RBMS3: variants seen among roughly 807,000 people sequenced by gnomAD.
The protein encoded by RBMS3 is RNA-binding motif, single-stranded-interacting protein 3.
A neutral mutation model predicts 66.8 loss-of-function variants in RBMS3; 27 were observed. The ratio of observed to expected loss-of-function variants is 0.40; its 90% confidence interval spans 0.30 to 0.56. The LOEUF (loss-of-function observed/expected upper bound fraction) is 0.56, where lower values mean the gene tolerates loss of function less well. RBMS3 is among the 20% of genes least tolerant of loss of function. The pLI is 0.40. For synonymous variants in RBMS3, 188 were observed against 183.0 expected, an observed-to-expected ratio of 1.03 and a Z score of -0.22; for missense variants, 513 against 549.5, an observed-to-expected ratio of 0.93 and a Z score of 0.66.
At chr3:30,000,830 T>A (rs1699569980) in intron 14 of RBMS3, among the ~76,000 whole-genome samples, 1 of 151,536 alleles carries the variant, frequency 6.6e-6, no homozygotes, top group South Asian at 2.1e-4. Context: ...TAAGTGGGAG[T>A]TGAACAGTGA....
At chr3:29,574,024 G>T (rs1215536737) in intron 3 of RBMS3, among the ~76,000 whole-genome samples, 1 of 152,170 alleles carries the variant, frequency 6.6e-6, no homozygotes, top group Admixed American at 6.5e-5. Context: ...GGAGAAAATT[G>T]TGTATTCTGT....
chr3:29,540,758 A>T (rs993767035), intron 3 of RBMS3, among the ~76,000 whole-genome samples: 1 of 152,122 alleles, frequency 6.6e-6, no homozygotes, highest in African/African-American at 2.4e-5. Context: ...CAATACTCTG[A>T]GTGGTGCTAC....
At chr3:29,484,146 G>A (rs2043238746) in intron 2 of RBMS3, among the ~76,000 whole-genome samples, 1 of 152,180 alleles carries the variant, frequency 6.6e-6, no homozygotes. Context: ...CAAAATCATT[G>A]AGCAAAGCAT....
intron 12 of RBMS3, among the ~76,000 whole-genome samples, chr3:29,956,934 T>C (rs1696085318): frequency 6.6e-6 from 1 of 152,126 alleles, no homozygotes; most frequent in Admixed American, 6.6e-5. Flanking sequence ...TCTCCCGCCA[T>C]AATGAACTGC....
intron 1 of RBMS3, among the ~76,000 whole-genome samples, chr3:29,394,650 G>A (rs757683783): frequency 2.0e-5 from 3 of 152,172 alleles, no homozygotes; most frequent in Non-Finnish European, 4.4e-5. Context: ...CACAATTTAT[G>A]TTCTTTGCCG....
At chr3:29,901,395 C>G (rs945227097) in intron 10 of RBMS3, among the ~76,000 whole-genome samples, 1 of 151,808 alleles carries the variant, frequency 6.6e-6, no homozygotes. Flanking sequence ...AACACCATCT[C>G]TTTGTGGCCA....
chr3:29,898,987 A>G (rs934200039), intron 9 of RBMS3, among the ~76,000 whole-genome samples: 2 of 151,504 alleles, frequency 1.3e-5, no homozygotes, highest in Admixed American at 6.6e-5. Flanking sequence ...GGTTTTTTCA[A>G]TCCAAAGTGT....
intron 4 of RBMS3, among the ~76,000 whole-genome samples, chr3:29,598,454 G>C (rs1470557362): frequency 1.3e-5 from 2 of 152,024 alleles, no homozygotes; most frequent in Admixed American, 1.3e-4. Flanking sequence ...TAATTACTGA[G>C]ACAATCTTAG....
At chr3:29,811,553 A>G (rs968160282) in intron 6 of RBMS3, among the ~76,000 whole-genome samples, 2 of 152,202 alleles carry the variant, frequency 1.3e-5, no homozygotes, top group Non-Finnish European at 2.9e-5. Flanking sequence ...CTAAGGTCTC[A>G]TAGGAAACAC....
In RBMS3 at chr3:29,413,425, C is replaced by CACAT. The variant is rs370196244; in HGVS notation, c.76-21315_76-21314insTACA. 4.7e-3 allele frequency among the ~76,000 whole-genome samples: 702 copies of CACAT among 148,516 alleles called. 6 individuals carry two copies. The highest frequency in any genetic ancestry group is 0.017 in the African/African-American group (667 of 40,168). The stretch of plus-strand genomic sequence containing the variant: ...ACATACATACATACATACATACATA[C>CACAT]ACAGAGTTGCAGCAGAAAAGCTAGG... On this transcript the variant is annotated intron_variant, in intron 1 of 14. Coordinates refer to ENST00000383767, the MANE Select transcript of RBMS3 (RefSeq NM_001003793.3).
intron 6 of RBMS3, among the ~76,000 whole-genome samples, chr3:29,863,748 T>C (rs2059275767): frequency 6.6e-6 from 1 of 152,152 alleles, no homozygotes; most frequent in Non-Finnish European, 1.5e-5. Flanking sequence ...CTCTTTACAA[T>C]AAGGGAAAAT....
At chr3:29,416,666 C>T (rs1443848366) in intron 1 of RBMS3, among the ~76,000 whole-genome samples, 1 of 151,942 alleles carries the variant, frequency 6.6e-6, no homozygotes, top group Non-Finnish European at 1.5e-5. Flanking sequence ...GTTTTGTGGT[C>T]TGAATGGTTT....
intron 4 of RBMS3, among the ~76,000 whole-genome samples, chr3:29,724,356 C>A (rs12374199): frequency 0.16 from 24,005 of 152,038 alleles, 1,989 homozygotes; most frequent in Middle Eastern, 0.27. Flanking sequence ...TAGAAATGAT[C>A]ATGATTTACT....
intron 1 of RBMS3, among the ~76,000 whole-genome samples, chr3:29,351,720 A>C (rs2036925475): frequency 6.6e-6 from 1 of 152,106 alleles, no homozygotes; most frequent in African/African-American, 2.4e-5. Flanking sequence ...TTTAAAATAT[A>C]TGTATAATAA....
chr3:29,339,257 T>A (rs1268736484), intron 1 of RBMS3, among the ~76,000 whole-genome samples: 2 of 152,204 alleles, frequency 1.3e-5, no homozygotes, highest in African/African-American at 2.4e-5. Context: ...TCATTATCCT[T>A]GTCTGCCTGA....
chr3:29,899,950 TAGAATC>T (rs2060214966), intron 10 of RBMS3, among the ~76,000 whole-genome samples, 195 bp downstream of exon 10: 1 of 151,278 alleles, frequency 6.6e-6, no homozygotes, highest in African/African-American at 2.4e-5. Context: ...AACATAGACA[TAGAATC>T]AGATAAAGAG....
intron 10 of RBMS3, among the ~76,000 whole-genome samples, chr3:29,930,572 T>C (rs1559811805): frequency 6.6e-6 from 1 of 152,078 alleles, no homozygotes; most frequent in East Asian, 1.9e-4. Flanking sequence ...GTTCTCTGTG[T>C]TGCAGGATGT....
chr3:29,718,328 C>T (rs2053494302), intron 4 of RBMS3, among the ~76,000 whole-genome samples: 1 of 151,626 alleles, frequency 6.6e-6, no homozygotes, highest in Non-Finnish European at 1.5e-5. Flanking sequence ...AATGATACTG[C>T]TTTTTTTTCT....
At chr3:29,478,199 A>C (rs907167529) in intron 2 of RBMS3, among the ~76,000 whole-genome samples, 1 of 152,230 alleles carries the variant, frequency 6.6e-6, no homozygotes, top group African/African-American at 2.4e-5. Context: ...TTGCAGATAC[A>C]GTGAGAACCA....
Sources: gnomAD v4.1 joint callset for allele counts (sites outside exome capture counted in the v4.1 genomes callset) on GRCh38, gnomAD v4.1.1 for gene constraint, MANE v1.5 for transcripts, NCBI Gene and HGNC (gene_info 2026-07-23, HGNC 2026-07-21) for gene names.